Variants in SLC15A3 observed in about 807,000 individuals in gnomAD.
SLC15A3 encodes the protein osteoclast transporter.
In SLC15A3, 39 loss-of-function variants were observed where a neutral mutation model predicts 49.2. The ratio of observed to expected loss-of-function variants is 0.79; its 90% CI spans 0.61 to 1.04. The LOEUF is 1.04. Ranked by LOEUF, SLC15A3 falls within the 50% of genes least tolerant of loss-of-function variation. The pLI, the probability that SLC15A3 is intolerant of heterozygous loss-of-function variation, is 0.00. For synonymous variants in SLC15A3, 339 were observed against 367.0 expected, an observed-to-expected ratio of 0.92 and a Z score of 0.87; for missense variants, 758 against 794.8, an observed-to-expected ratio of 0.95 and a Z score of 0.56.
rs532774434 is a variant in SLC15A3, at chr11:60,938,047, G to A, written c.1436-22C>T. ...AGGCCTGCAGAGGGGGAGCAGAGACGATCTCAGGGGCTGGTGCAGGCGCAG... is the reference window on the plus strand; with the variant it reads ...AGGCCTGCAGAGGGGGAGCAGAGACAATCTCAGGGGCTGGTGCAGGCGCAG... On this transcript the variant is annotated intron_variant, in intron 6 of 7. Transcript: ENST00000227880. 385 of 1,611,244 alleles carry A rather than the reference G, an allele frequency of 2.4e-4. 3 individuals carry two copies. In the South Asian group the frequency reaches 3.8e-3, roughly 16 times the overall value.
intron 7 of SLC15A3, chr11:60,937,644 C>A: frequency 1.5e-6 from 1 of 688,764 alleles, no homozygotes. Flanking sequence ...GTTCCAGAAG[C>A]AGAAAGGAGC....
chr11:60,951,343 T>C lies in SLC15A3; in HGVS notation c.209A>G (p.Glu70Gly). Residue 70 changes from glutamate to glycine, a missense_variant, in exon 1 of 8, where the codon GAG becomes GGG. By Grantham distance (98) the Glu-to-Gly change is moderately conservative (BLOSUM62 -2). Transcript: ENST00000227880. Reference sequence around the variant, plus strand: ...TACCAGCGCGGCGCGCGTCGCCTGCTCGCCGGTCCAGTTGAAGTTGGTGCT... The same window carrying C: ...TACCAGCGCGGCGCGCGTCGCCTGCCCGCCGGTCCAGTTGAAGTTGGTGCT... The part of the protein sequence containing the change: ...LNSTNFNWTG[E>G]QATRAALVFL... 6.5e-7 allele frequency: 1 copy of C among 1,544,652 alleles called. No individual in the cohort carries two copies. Among genetic ancestry groups the C allele is most frequent in the Non-Finnish European group, 8.7e-7 (1 of 1,148,886 alleles).
At chr11:60,948,207 G>A (rs564312857) in intron 1 of SLC15A3, among the ~76,000 whole-genome samples, 1 of 152,312 alleles carries the variant, frequency 6.6e-6, no homozygotes, top group East Asian at 1.9e-4. Context: ...AGATTCTGCG[G>A]GGTCCTCCTG....
chr11:60,937,405 G>T (rs1167136311), intron 7 of SLC15A3, 32 bp from the exon 8 acceptor site: 2 of 1,613,336 alleles, frequency 1.2e-6, no homozygotes, highest in East Asian at 2.2e-5. Flanking sequence ...TTTGGGTCAG[G>T]ACAGGGATCC....
chr11:60,937,798 T>G, intron 7 of SLC15A3, 72 bp downstream of exon 7: 5 of 1,551,950 alleles, frequency 3.2e-6, no homozygotes, highest in Non-Finnish European at 4.4e-6. Context: ...GTCAAAGCAC[T>G]TTAGCAGTTG....
intron 6 of SLC15A3, 96 bp from the exon 7 acceptor site, chr11:60,938,121 A>G (rs1856651956): frequency 7.0e-7 from 1 of 1,432,982 alleles, no homozygotes; most frequent in Non-Finnish European, 9.3e-7. Context: ...GCCCCCACCA[A>G]GCCACCCTCC....
At chr11:60,938,994 G>C (rs543268868) in intron 6 of SLC15A3, among the ~76,000 whole-genome samples, 1 of 152,210 alleles carries the variant, frequency 6.6e-6, no homozygotes, top group Non-Finnish European at 1.5e-5. Flanking sequence ...CTCCCAGCCC[G>C]GGGAAGGGGG....
intron 1 of SLC15A3, among the ~76,000 whole-genome samples, chr11:60,950,651 C>T (rs1856899196): frequency 6.6e-6 from 1 of 151,820 alleles, no homozygotes; most frequent in African/African-American, 2.4e-5. Context: ...ATTAGTTGGG[C>T]GTGGTGGCAG....
At chr11:60,941,936 C>A (rs1231927753) in intron 4 of SLC15A3, 99 bp downstream of exon 4, 1 of 1,181,948 alleles carries the variant, frequency 8.5e-7, no homozygotes, top group Non-Finnish European at 1.2e-6. Context: ...GCCTTGCAGG[C>A]AGGAAAGGGG....
intron 3 of SLC15A3, 146 bp downstream of exon 3, chr11:60,943,543 A>G (rs1182337012): frequency 3.6e-6 from 3 of 826,240 alleles, no homozygotes; most frequent in Non-Finnish European, 5.0e-6. Context: ...GCCAGGCCCC[A>G]TGCTAGCTGG....
intron 7 of SLC15A3, 49 bp downstream of exon 7, chr11:60,937,821 C>T (rs1245126031): frequency 1.9e-6 from 3 of 1,588,242 alleles, no homozygotes; most frequent in African/African-American, 1.3e-5. Context: ...ACCTCCTTTC[C>T]AAGCCTCCCT....
rs565013074 is a variant in SLC15A3, at chr11:60,937,440, G to C, written c.1592-67C>G. On this transcript the variant is annotated intron_variant, in intron 7 of 7. Coordinates refer to ENST00000227880, the MANE Select transcript of SLC15A3 (RefSeq NM_016582.3). Reference sequence around the variant, plus strand: ...CTCTGTCTTGCGCCCTGTGCCTGCCGTGTCCTAGCCCTGGGGCTGGCAACT... The same window carrying C: ...CTCTGTCTTGCGCCCTGTGCCTGCCCTGTCCTAGCCCTGGGGCTGGCAACT... 4.4e-6 allele frequency: 7 copies of C among 1,597,198 alleles called. No homozygotes were observed. The African/African-American group carries it at 9.4e-5, about 21-fold the overall frequency.
chr11:60,940,716 A>G (rs1590636696), intron 5 of SLC15A3: 1 of 153,912 alleles, frequency 6.5e-6, no homozygotes, highest in East Asian at 1.9e-4. Flanking sequence ...CTTTGTAACA[A>G]ATGGCTTCAG....
In SLC15A3 at chr11:60,943,731, G is replaced by T. The variant is rs79133588; in HGVS notation, c.954C>A (p.Pro318=). ...AGTAGGGCACCAGGGTCACCATGAC[G>T]GGCAAGATCTTCACCAGCACCTGGA... is the stretch of plus-strand genomic sequence containing the variant. ...ANFQVLVKIL[P]VMVTLVPYWM... is the part of the protein sequence containing the mutation. Residue 318 remains proline (P), a synonymous_variant, in exon 3 of 8, where the codon CCC becomes CCA. Transcript: ENST00000227880. 1 of 1,602,260 alleles carries T rather than the reference G, an allele frequency of 6.2e-7. No homozygotes were observed. The highest frequency in any genetic ancestry group is 8.5e-7 in the Non-Finnish European group (1 of 1,173,646).
chr11:60,943,265 T>G (rs1396754922), intron 3 of SLC15A3: 1 of 153,290 alleles, frequency 6.5e-6, no homozygotes. Context: ...CCGTGGGGCC[T>G]TGGGCAACTG....
In SLC15A3 at chr11:60,951,790, TC is replaced by T. The variant is rs1856933066; in HGVS notation, c.-240del. The T allele has an allele frequency of 5.3e-6, 1 of 187,598 alleles. No individual in the cohort carries two copies. The highest frequency in any genetic ancestry group is 2.5e-5 in the African/African-American group (1 of 40,184). The allele number at this position is 187,598 out of a possible 1,614,324, so 11.6% of individuals were successfully genotyped here. Reference sequence around the variant, plus strand: ...TCCTCCCTAATTCTCAACTCCCCTCTCCCTTCCCCCACCCCTAAGGCTTCCT... The same window carrying T: ...TCCTCCCTAATTCTCAACTCCCCTCTCCTTCCCCCACCCCTAAGGCTTCCT... On this transcript the variant is annotated 5_prime_UTR_variant, in exon 1 of 8. Transcript: ENST00000227880.
chr11:60,950,942 C>G, intron 1 of SLC15A3, 52 bp downstream of exon 1: 2 of 1,387,956 alleles, frequency 1.4e-6, no homozygotes, highest in Non-Finnish European at 1.9e-6. Context: ...GGCCAGCCCT[C>G]CTTCCCTCCA....
intron 1 of SLC15A3, among the ~76,000 whole-genome samples, chr11:60,948,370 A>T (rs1387478962): frequency 6.6e-6 from 1 of 152,254 alleles, no homozygotes; most frequent in Non-Finnish European, 1.5e-5. Context: ...GGGGAAGACC[A>T]GGCAGCCCAT....
At chr11:60,948,206 G>A (rs1437082716) in intron 1 of SLC15A3, among the ~76,000 whole-genome samples, 5 of 152,142 alleles carry the variant, frequency 3.3e-5, no homozygotes, top group African/African-American at 9.7e-5. Flanking sequence ...GAGATTCTGC[G>A]GGGTCCTCCT....
Sources: gnomAD v4.1 joint callset for allele counts (sites outside exome capture counted in the v4.1 genomes callset) on GRCh38, gnomAD v4.1.1 for gene constraint, MANE v1.5 for transcripts, NCBI Gene and HGNC (gene_info 2026-07-23, HGNC 2026-07-21) for gene names.